Variants in PI4KA observed in about 807,000 individuals in gnomAD.
The protein encoded by PI4KA is phosphatidylinositol 4-kinase alpha, also known as PI4-kinase alpha.
PI4KA carries 122 observed loss-of-function variants against 271.4 expected under a neutral mutation model. The observed-to-expected ratio is 0.45, with a 90% CI of 0.39 to 0.52. The LOEUF (loss-of-function observed/expected upper bound fraction) is 0.52, where lower values mean the gene tolerates loss of function less well. Ranked by LOEUF, PI4KA falls within the 20% of genes least tolerant of loss-of-function variation. The pLI is 0.00. For missense variants in PI4KA, 1,969 were observed against 2,769.1 expected, an observed-to-expected ratio of 0.71 and a Z score of 6.48; for synonymous variants, 1,041 against 1,078.8, an observed-to-expected ratio of 0.96 and a Z score of 0.69.
intron 42 of PI4KA, among the ~76,000 whole-genome samples, chr22:20,722,263 T>A (rs1413464534): frequency 1.3e-5 from 2 of 152,180 alleles, no homozygotes; most frequent in African/African-American, 4.8e-5. Context: ...CTCAGCTCAC[T>A]GCAACCTCCA....
chr22:20,765,166 G>A lies in PI4KA; in HGVS notation c.2508C>T (p.Pro836=). ...IATKSPLLTF[P]SKEPLRSVLQ... ...GGACGGACCGCAGTGGCTCCTTGCT[G>A]GGAAAGGTGAGCAAGGGGGACTTAG... The change falls in exon 21 of 55, where the codon CCC becomes CCT. Residue 836 remains proline, a synonymous_variant. Coordinates refer to ENST00000255882, the MANE Select transcript of PI4KA (RefSeq NM_058004.4). 1 of 1,613,520 alleles carries A rather than the reference G, an allele frequency of 6.2e-7. No homozygotes were observed. Among genetic ancestry groups the A allele is most frequent in the Non-Finnish European group, 8.5e-7 (1 of 1,179,484 alleles).
intron 8 of PI4KA, 21 bp downstream of exon 8, chr22:20,813,337 A>C (rs755876410): frequency 6.2e-7 from 1 of 1,601,732 alleles, no homozygotes; most frequent in Non-Finnish European, 8.6e-7. Context: ...TGGTCTGTTC[A>C]TCCATCAGTT....
chr22:20,813,439 G>T lies in PI4KA; in HGVS notation c.924C>A (p.Phe308Leu). ...CACCGTTGAAAAGGGGAGAGACTGA[G>T]AAGCTGGAGCTGATGGTTGAAAAGT... Reference protein sequence around the residue: ...EYYFSTISSSFSVSPLFNGVT... With the variant: ...EYYFSTISSSLSVSPLFNGVT... Residue 308 changes from phenylalanine to leucine, a missense_variant, in exon 8 of 55, where the codon TTC (phenylalanine) becomes TTA (leucine). This residue lies in a region of PI4KA where 540 missense variants were observed against 555.5 expected (regional missense o/e 0.97). Coordinates refer to ENST00000255882, the MANE Select transcript of PI4KA (RefSeq NM_058004.4). The T allele has an allele frequency of 6.2e-7, 1 of 1,613,798 alleles. No homozygotes were observed. Among genetic ancestry groups the T allele is most frequent in the African/African-American group, 1.3e-5 (1 of 75,040 alleles).
intron 3 of PI4KA, among the ~76,000 whole-genome samples, chr22:20,832,208 C>T (rs1368433385): frequency 2.0e-5 from 3 of 151,294 alleles, no homozygotes; most frequent in Non-Finnish European, 4.4e-5. Context: ...CTCTGCCTCC[C>T]GGGTTCAAGC....
intron 19 of PI4KA, among the ~76,000 whole-genome samples, chr22:20,775,980 C>G (rs1933240080): frequency 6.6e-6 from 1 of 152,086 alleles, no homozygotes; most frequent in Non-Finnish European, 1.5e-5. Context: ...ACTCAAAGTG[C>G]CATTCAGAAA....
chr22:20,841,581 T>A (rs1925559602), intron 1 of PI4KA, among the ~76,000 whole-genome samples: 1 of 152,218 alleles, frequency 6.6e-6, no homozygotes, highest in Non-Finnish European at 1.5e-5. Context: ...ATCCATGTAA[T>A]GATTCCATGA....
At chr22:20,750,839 T>C (rs544435919) in intron 27 of PI4KA, among the ~76,000 whole-genome samples, 11 of 152,304 alleles carry the variant, frequency 7.2e-5, no homozygotes, top group Admixed American at 6.5e-4. Flanking sequence ...TACATCCTCC[T>C]CTTTTGGAGT....
chr22:20,846,805 T>C (rs1227977538), intron 1 of PI4KA, among the ~76,000 whole-genome samples: 2 of 122,960 alleles, frequency 1.6e-5, no homozygotes, highest in Non-Finnish European at 3.2e-5. Context: ...ATCACCACAG[T>C]GCATTCCAGC....
intron 19 of PI4KA, among the ~76,000 whole-genome samples, chr22:20,784,461 C>T (rs1054538639): frequency 1.3e-5 from 2 of 152,134 alleles, no homozygotes; most frequent in African/African-American, 2.4e-5. Context: ...CCTCTAGGGG[C>T]CAGTTTCAGA....
chr22:20,843,948 T>C (rs1452151270), intron 1 of PI4KA, among the ~76,000 whole-genome samples: 1 of 152,150 alleles, frequency 6.6e-6, no homozygotes, highest in Non-Finnish European at 1.5e-5. Context: ...GCCTCTTCCA[T>C]GGTTTTGACC....
chr22:20,724,968 C>T (rs1927177103), intron 42 of PI4KA, among the ~76,000 whole-genome samples: 1 of 152,348 alleles, frequency 6.6e-6, no homozygotes, highest in South Asian at 2.1e-4. Flanking sequence ...AGTGTGGCTC[C>T]ACACATATCA....
rs556665675 is a variant in PI4KA, at chr22:20,856,397, T to A, written c.156+2173A>T. ...AAGTGGCATTAGGGAGCTGCCAACC[T>A]GTGGCTATGGCTGTGTTCCTTGTAA... On this transcript the variant is annotated intron_variant, in intron 1 of 54. Transcript: ENST00000255882. 1.6e-4 allele frequency among the ~76,000 whole-genome samples: 25 copies of A among 152,188 alleles called. No individual in the cohort carries two copies. The East Asian group carries it at 3.7e-3, about 22-fold the overall frequency.
At chr22:20,731,511 C>CTCA (rs1484279875) in intron 36 of PI4KA, among the ~76,000 whole-genome samples, 2 of 152,144 alleles carry the variant, frequency 1.3e-5, no homozygotes, top group Non-Finnish European at 2.9e-5. Context: ...ATCAGAAGGT[C>CTCA]TCAGCCAGGC....
At chr22:20,790,088 G>A (rs528537713) in intron 19 of PI4KA, among the ~76,000 whole-genome samples, 1 of 152,302 alleles carries the variant, frequency 6.6e-6, no homozygotes, top group South Asian at 2.1e-4. Flanking sequence ...AACAACTGAA[G>A]TAATTTAATC....
chr22:20,807,773 G>A (rs1316629242), intron 9 of PI4KA, among the ~76,000 whole-genome samples: 3 of 152,198 alleles, frequency 2.0e-5, no homozygotes, highest in Non-Finnish European at 2.9e-5. Flanking sequence ...AGGGACATGG[G>A]AAGTGGTGAA....
chr22:20,727,845 T>A lies in PI4KA; in HGVS notation c.4702A>T (p.Ile1568Phe). 6.2e-7 allele frequency: 1 copy of A among 1,614,010 alleles called. No individual in the cohort carries two copies. The highest frequency in any genetic ancestry group is 8.5e-7 in the Non-Finnish European group (1 of 1,179,912). The change falls in exon 40 of 55, where the codon ATT becomes TTT. Residue 1568 changes from isoleucine (I) to phenylalanine (F), a missense_variant. This residue lies in a region of PI4KA where 388 missense variants were observed against 521.5 expected (regional missense o/e 0.74). Coordinates refer to ENST00000255882, the MANE Select transcript of PI4KA (RefSeq NM_058004.4). Reference protein sequence around the residue: ...LPARFKNTEAIGNEVTRLVRL... With the variant: ...LPARFKNTEAFGNEVTRLVRL... Reference sequence around the variant, plus strand: ...ACGAGACGGGTCACTTCGTTCCCAATGGCTTCTGTGTTCTTAAACCTACAG... The same window carrying A: ...ACGAGACGGGTCACTTCGTTCCCAAAGGCTTCTGTGTTCTTAAACCTACAG...
intron 1 of PI4KA, among the ~76,000 whole-genome samples, chr22:20,845,721 T>C (rs979387466): frequency 3.3e-5 from 5 of 152,162 alleles, no homozygotes; most frequent in African/African-American, 4.8e-5. Context: ...GCTTTTGAGC[T>C]GAGCGCGGTG....
chr22:20,726,104 C>A (rs765628008), intron 42 of PI4KA, among the ~76,000 whole-genome samples: 1 of 152,204 alleles, frequency 6.6e-6, no homozygotes, highest in Non-Finnish European at 1.5e-5. Context: ...TGGTGCTTCG[C>A]TATGCAGCCC....
At chr22:20,796,026 C>T in intron 18 of PI4KA, 120 bp downstream of exon 18, 1 of 907,164 alleles carries the variant, frequency 1.1e-6, no homozygotes, top group Non-Finnish European at 1.7e-6. Flanking sequence ...GCATTCCAGG[C>T]ACATTTAAAT....
Sources: gnomAD v4.1 joint callset for allele counts (sites outside exome capture counted in the v4.1 genomes callset) on GRCh38, gnomAD v4.1.1 for gene constraint, gnomAD v4.1.1 regional missense constraint, MANE v1.5 for transcripts, NCBI Gene and HGNC (gene_info 2026-07-23, HGNC 2026-07-21) for gene names.